HDAC4: variants seen among roughly 807,000 people sequenced by gnomAD.
HDAC4 encodes histone deacetylase A.
HDAC4 carries 16 observed loss-of-function variants against 135.1 expected under a neutral mutation model. The observed-to-expected ratio is 0.12, with a 90% CI of 0.08 to 0.18. The LOEUF (loss-of-function observed/expected upper bound fraction) is 0.18, where lower values mean the gene tolerates loss of function less well. Among genes scored for constraint, HDAC4 ranks in the 10% least tolerant of loss-of-function variants. HDAC4 has a pLI of 1.00. For synonymous variants in HDAC4, 685 were observed against 653.4 expected (o/e 1.05, Z -0.74); for missense variants, 1,143 against 1,511.8 (o/e 0.76, Z 4.05).
chr2:239,350,114 C>T (rs946061260), intron 2 of HDAC4, among the ~76,000 whole-genome samples: 3 of 151,980 alleles, frequency 2.0e-5, no homozygotes, highest in Admixed American at 2.0e-4. Flanking sequence ...TAGAGACAAG[C>T]GGATGGAGAA....
At chr2:239,071,499 C>A (rs1433755827) in intron 22 of HDAC4, among the ~76,000 whole-genome samples, 1 of 152,200 alleles carries the variant, frequency 6.6e-6, no homozygotes, top group African/African-American at 2.4e-5. Flanking sequence ...AACACTCTCA[C>A]AATAAGCAGG....
rs1021943598 is a variant in HDAC4, at chr2:239,120,377, G to A, written c.1534-5067C>T. ...CATACACACACAGATACATATACCC[G>A]CAGAGGCACACACAGACGCACACAG... On this transcript the variant is annotated intron_variant, in intron 12 of 26. Coordinates refer to ENST00000543185, the MANE Select transcript of HDAC4 (RefSeq NM_001378414.1). Among the ~76,000 whole-genome samples the A allele has an allele frequency of 9.0e-3, 713 of 79,644 alleles. 5 individuals are homozygous for A. The highest frequency in any genetic ancestry group is 0.045 in the African/African-American group (647 of 14,294). 52.2% of individuals were successfully genotyped at this position (79,644 alleles called of 152,430 possible).
chr2:239,369,870 G>A (rs1198417876), intron 1 of HDAC4, among the ~76,000 whole-genome samples: 1 of 152,232 alleles, frequency 6.6e-6, no homozygotes, highest in African/African-American at 2.4e-5. Flanking sequence ...AAAGGAAGTG[G>A]CACAGATGCC....
In HDAC4 at chr2:239,050,636, T is replaced by C. The variant is rs2030702864; in HGVS notation, c.*2461A>G. 1 of 152,620 alleles carries C rather than the reference T, an allele frequency of 6.6e-6. No individual in the cohort carries two copies. Among genetic ancestry groups the C allele is most frequent in the East Asian group, 1.9e-4 (1 of 5,196 alleles). 9.5% of individuals were successfully genotyped at this position (152,620 alleles called of 1,614,324 possible). On this transcript the variant is annotated 3_prime_UTR_variant, in exon 27 of 27. Transcript: ENST00000543185. Reference sequence around the variant, plus strand: ...GAATCTGCACTCATTTGGTCAAAAGTTTGAGTTAATTTCAGAAGCTACCCT... The same window carrying C: ...GAATCTGCACTCATTTGGTCAAAAGCTTGAGTTAATTTCAGAAGCTACCCT...
rs917430457 is a variant in HDAC4, at chr2:239,049,960, G to A, written c.*3137C>T. On this transcript the variant is annotated 3_prime_UTR_variant, in exon 27 of 27. Coordinates refer to ENST00000543185, the MANE Select transcript of HDAC4 (RefSeq NM_001378414.1). ...GCTGACTCCCAGCCAGTGCCCCCAA[G>A]GCCTTTGCAAAGGAAGAAAAAGGCT... is the stretch of plus-strand genomic sequence containing the variant. 2.6e-5 allele frequency: 4 copies of A among 152,680 alleles called. No individual in the cohort carries two copies. The highest frequency in any genetic ancestry group is 9.6e-5 in the African/African-American group (4 of 41,478). 9.5% of individuals were successfully genotyped at this position (152,680 alleles called of 1,614,324 possible).
intron 22 of HDAC4, among the ~76,000 whole-genome samples, chr2:239,074,618 G>T (rs1335804847): frequency 6.6e-6 from 1 of 152,180 alleles, no homozygotes; most frequent in Non-Finnish European, 1.5e-5. Flanking sequence ...CATTTTACTG[G>T]GCTCAACACC....
intron 15 of HDAC4, among the ~76,000 whole-genome samples, chr2:239,106,945 C>T (rs563435733): frequency 2.0e-5 from 3 of 152,280 alleles, no homozygotes; most frequent in South Asian, 2.1e-4. Flanking sequence ...GGTGGGATTC[C>T]TGGTGTGGGG....
In HDAC4 at chr2:239,374,734, T is replaced by C. The variant is rs536397699; in HGVS notation, c.-219-21816A>G. On this transcript the variant is annotated intron_variant, in intron 1 of 26. Coordinates refer to ENST00000543185, the MANE Select transcript of HDAC4 (RefSeq NM_001378414.1). ...GCTTTAAAAATTAAGTTAACTCATG[T>C]GTGCTAAATGGGATAAATTTTAAAT... 2.0e-5 allele frequency among the ~76,000 whole-genome samples: 3 copies of C among 152,344 alleles called. No individual in the cohort carries two copies. The South Asian group carries it at 6.2e-4, about 32-fold the overall frequency.
intron 22 of HDAC4, among the ~76,000 whole-genome samples, chr2:239,072,903 C>T (rs1324709560): frequency 2.0e-5 from 3 of 152,292 alleles, no homozygotes; most frequent in South Asian, 2.1e-4. Flanking sequence ...GTGAAGATCC[C>T]GCGGGCTACT....
rs763166762 is a variant in HDAC4 at position 239,115,346 on chromosome 2, C to T, written c.1534-36G>A. On this transcript the variant is annotated intron_variant, in intron 12 of 26. Coordinates refer to ENST00000543185, the MANE Select transcript of HDAC4 (RefSeq NM_001378414.1). This position sits in a 1 kb window ranked among gnomAD's most constrained non-coding sequence, Gnocchi z 6.3. The stretch of plus-strand genomic sequence containing the variant: ...GAGGTAACACATGAAGCACAGAGAG[C>T]TGGGTCCTCTGAGCTCATCTGACAG... 3 of 1,612,104 alleles carry T rather than the reference C, an allele frequency of 1.9e-6. No homozygotes were observed. Among genetic ancestry groups the T allele is most frequent in the Non-Finnish European group, 2.5e-6 (3 of 1,179,608 alleles).
At chr2:239,271,303 G>A (rs1408945430) in intron 2 of HDAC4, among the ~76,000 whole-genome samples, 1 of 152,106 alleles carries the variant, frequency 6.6e-6, no homozygotes, top group Non-Finnish European at 1.5e-5. Context: ...TAGTAGAGTA[G>A]GGGTTTGAGA....
chr2:239,097,174 G>T (rs1454894202), intron 16 of HDAC4, among the ~76,000 whole-genome samples: 3 of 152,246 alleles, frequency 2.0e-5, no homozygotes, highest in African/African-American at 7.2e-5. Flanking sequence ...CTCTCCACCT[G>T]GCCTGGCTCC....
chr2:239,173,948 C>T (rs969360080), intron 5 of HDAC4, among the ~76,000 whole-genome samples: 9 of 152,108 alleles, frequency 5.9e-5, no homozygotes, highest in East Asian at 5.8e-4. Context: ...AAACATAAAA[C>T]TATTAAGAAA....
intron 24 of HDAC4, 144 bp from the exon 25 acceptor site, chr2:239,054,977 A>T: frequency 1.5e-6 from 1 of 680,798 alleles, no homozygotes. Flanking sequence ...AAATAACTTT[A>T]AAAAGCCAAA....
intron 25 of HDAC4, 78 bp downstream of exon 25, chr2:239,054,671 A>G (rs1040468446): frequency 4.4e-6 from 4 of 909,750 alleles, no homozygotes; most frequent in South Asian, 1.3e-5. Context: ...CTGGGGGTAT[A>G]GGGGGACAGG....
chr2:239,221,354 GA>G (rs111876741), intron 3 of HDAC4, among the ~76,000 whole-genome samples: 20 of 150,664 alleles, frequency 1.3e-4, no homozygotes, highest in African/African-American at 3.2e-4. Context: ...AAACCCTCTG[GA>G]AAAAAAAATC....
At chr2:239,386,888 T>C (rs1390543997) in intron 1 of HDAC4, among the ~76,000 whole-genome samples, 3 of 152,206 alleles carry the variant, frequency 2.0e-5, no homozygotes, top group Non-Finnish European at 4.4e-5. Flanking sequence ...CACCATCAGA[T>C]GTACCCATTT....
At chr2:239,063,262 G>A (rs1489107650) in intron 24 of HDAC4, among the ~76,000 whole-genome samples, 3 of 151,674 alleles carry the variant, frequency 2.0e-5, no homozygotes, top group Non-Finnish European at 2.9e-5. Context: ...GTGTGGTGGC[G>A]CGATCTCGGC....
At chr2:239,158,151 T>C (rs1271840167) in intron 6 of HDAC4, among the ~76,000 whole-genome samples, 1 of 152,242 alleles carries the variant, frequency 6.6e-6, no homozygotes, top group Non-Finnish European at 1.5e-5. Context: ...CCTGTAGTTC[T>C]ACCCCTCGTC....
Sources: allele counts gnomAD v4.1 joint callset (sites outside exome capture counted in the v4.1 genomes callset), GRCh38; gene constraint gnomAD v4.1.1; non-coding constraint Gnocchi (gnomAD v3.1); transcripts MANE v1.5; gene names NCBI Gene and HGNC (gene_info 2026-07-23, HGNC 2026-07-21).